KIF9: variants seen among roughly 807,000 people sequenced by gnomAD.
The protein encoded by KIF9 is kinesin-like protein KIF9.
In KIF9, 68 loss-of-function variants were observed where a neutral mutation model predicts 94.8. The observed-to-expected ratio is 0.72, with a 90% CI of 0.59 to 0.88. KIF9 has a LOEUF of 0.88. Among genes scored for constraint, KIF9 ranks in the 40% least tolerant of loss-of-function variants. The pLI is 0.00. For synonymous variants in KIF9, 343 were observed against 362.1 expected, an observed-to-expected ratio of 0.95 and a Z score of 0.60; for missense variants, 882 against 982.5, an observed-to-expected ratio of 0.90 and a Z score of 1.37.
intron 10 of KIF9, among the ~76,000 whole-genome samples, chr3:47,248,442 A>ATGCTT (rs1195113646): frequency 6.6e-6 from 1 of 151,792 alleles, no homozygotes; most frequent in East Asian, 1.9e-4. Flanking sequence ...AGACTCCAGA[A>ATGCTT]TGCTTTCTTT....
rs376429514 is a variant in KIF9, at chr3:47,257,624, C to T, written c.982-64G>A. The T allele has an allele frequency of 1.3e-5, 19 of 1,446,922 alleles. 1 individual carries two copies. The African/African-American group carries it at 1.7e-4, about 13-fold the overall frequency. 89.6% of individuals were successfully genotyped at this position (1,446,922 alleles called of 1,614,324 possible). ...CTAAAGTGAGACCCCAAGAGACCGG[C>T]CTTCTCAGAGACCTTGCCTGCCCTT... On this transcript the variant is annotated intron_variant, in intron 9 of 20. Transcript: ENST00000684063.
chr3:47,264,350 C>A lies in KIF9; in HGVS notation c.917G>T (p.Gly306Val). 1.2e-6 allele frequency: 2 copies of A among 1,613,240 alleles called. No individual in the cohort carries two copies. The highest frequency in any genetic ancestry group is 3.3e-5 in the Admixed American group (2 of 60,006). Residue 306 changes from glycine to valine, a missense_variant and splice_region_variant, in exon 9 of 21, where the codon GGG (glycine) becomes GTG (valine). Coordinates refer to ENST00000684063, the MANE Select transcript of KIF9 (RefSeq NM_182902.4). Reference sequence around the variant, plus strand: ...CACGAGGACCATATTGCAGTTTCCCCCTGCGGAAAGCAAGACACAGAAGGG... The same window carrying A: ...CACGAGGACCATATTGCAGTTTCCCACTGCGGAAAGCAAGACACAGAAGGG... ...KLTHALKDSL[G>V]GNCNMVLVTN... is the part of the protein sequence containing the mutation.
intron 10 of KIF9, among the ~76,000 whole-genome samples, chr3:47,249,206 C>T (rs563713655): frequency 3.8e-4 from 57 of 149,038 alleles, no homozygotes; most frequent in African/African-American, 1.1e-3. Flanking sequence ...AGTACAGTGG[C>T]GCAATCTTGG....
At chr3:47,232,534 C>T (rs1698674791) in intron 20 of KIF9, among the ~76,000 whole-genome samples, 2 of 152,012 alleles carry the variant, frequency 1.3e-5, no homozygotes, top group African/African-American at 4.8e-5. Context: ...ATCCACTCAT[C>T]TCAGCCTCCC....
chr3:47,240,062 G>A (rs984063437), intron 17 of KIF9: 18 of 641,200 alleles, frequency 2.8e-5, no homozygotes, highest in Middle Eastern at 6.5e-4. Context: ...CTGGCTGAGG[G>A]GCTGGGAATC....
chr3:47,276,555 CAAAAAAAAA>C (rs752825599), intron 2 of KIF9, among the ~76,000 whole-genome samples: 3 of 58,700 alleles, frequency 5.1e-5, no homozygotes, highest in African/African-American at 1.3e-4. Flanking sequence ...GACTCTGTCT[CAAAAAAAAA>C]AAAAAAAAAA....
chr3:47,235,680 G>T, intron 19 of KIF9, 63 bp from the exon 20 acceptor site: 1 of 1,321,670 alleles, frequency 7.6e-7, no homozygotes, highest in Non-Finnish European at 1.1e-6. Context: ...AGCCTGTGGT[G>T]TGCATCAGGG....
intron 5 of KIF9, among the ~76,000 whole-genome samples, chr3:47,269,275 T>C (rs978241059): frequency 6.6e-6 from 1 of 152,188 alleles, no homozygotes; most frequent in Non-Finnish European, 1.5e-5. Flanking sequence ...TAACATACAC[T>C]TGACTGATTT....
At chr3:47,233,628 C>T (rs975151929) in intron 20 of KIF9, among the ~76,000 whole-genome samples, 8 of 148,548 alleles carry the variant, frequency 5.4e-5, no homozygotes, top group Non-Finnish European at 7.4e-5. Flanking sequence ...TCTGTGAGGT[C>T]GAGGCTGTAA....
intron 9 of KIF9, 185 bp downstream of exon 9, chr3:47,264,101 T>A (rs772092623): frequency 1.5e-5 from 9 of 594,396 alleles, no homozygotes; most frequent in Non-Finnish European, 2.8e-5. Context: ...CACAGCTTAG[T>A]GCTTGGTGTG....
intron 10 of KIF9, chr3:47,250,536 A>G: frequency 2.1e-6 from 1 of 468,622 alleles, no homozygotes; most frequent in Non-Finnish European, 4.4e-6. Context: ...CAGACGGGTA[A>G]TGTGCCAATG....
At chr3:47,251,360 G>A (rs544369105) in intron 10 of KIF9, among the ~76,000 whole-genome samples, 2 of 152,332 alleles carry the variant, frequency 1.3e-5, no homozygotes, top group East Asian at 3.9e-4. Context: ...GAGGTCAGGA[G>A]TTCAAGACCA....
At chr3:47,278,426 G>T (rs983822146) in intron 1 of KIF9, among the ~76,000 whole-genome samples, 13 of 151,910 alleles carry the variant, frequency 8.6e-5, no homozygotes, top group African/African-American at 3.1e-4. Flanking sequence ...TGGAGACAAG[G>T]GTTTCTTTAT....
intron 5 of KIF9, among the ~76,000 whole-genome samples, chr3:47,269,803 G>A (rs1701525160): frequency 8.9e-6 from 1 of 111,842 alleles, no homozygotes; most frequent in Admixed American, 1.0e-4. Context: ...TTGAGATGGA[G>A]TCTCCCTCTG....
At chr3:47,262,567 C>T (rs1406530890) in intron 9 of KIF9, among the ~76,000 whole-genome samples, 1 of 152,202 alleles carries the variant, frequency 6.6e-6, no homozygotes, top group African/African-American at 2.4e-5. Flanking sequence ...GCCATTACAC[C>T]TGGCCTCAAC....
At chr3:47,241,036 C>G in intron 16 of KIF9, 21 bp from the exon 17 acceptor site, 2 of 1,608,078 alleles carry the variant, frequency 1.2e-6, no homozygotes, top group Non-Finnish European at 1.7e-6. Flanking sequence ...AAAGGTGAGA[C>G]CAAAGAGGAT....
intron 10 of KIF9, among the ~76,000 whole-genome samples, chr3:47,254,124 T>C (rs1327839058): frequency 6.6e-6 from 1 of 152,226 alleles, no homozygotes; most frequent in African/African-American, 2.4e-5. Context: ...GATTGTGTTA[T>C]CTACCCAACT....
intron 20 of KIF9, among the ~76,000 whole-genome samples, chr3:47,234,040 G>A (rs1225169577): frequency 7.9e-5 from 12 of 152,026 alleles, no homozygotes; most frequent in East Asian, 7.8e-4. Context: ...GTGAGGACAC[G>A]CCATTGCACT....
At position 47,246,259 on chromosome 3, in the gene KIF9, G is replaced by A; in HGVS notation, c.1234-7C>T. On this transcript the variant is annotated splice_region_variant and splice_polypyrimidine_tract_variant and intron_variant, in intron 12 of 20. Coordinates refer to ENST00000684063, the MANE Select transcript of KIF9 (RefSeq NM_182902.4). ...TCTGTCTAAGGCTGATTATCTGGAGGGAAGACAGCAAGGCAGAGGTTAGAC... is the reference window on the plus strand; with the variant it reads ...TCTGTCTAAGGCTGATTATCTGGAGAGAAGACAGCAAGGCAGAGGTTAGAC... 1 of 1,610,356 alleles carries A rather than the reference G, an allele frequency of 6.2e-7. No individual in the cohort carries two copies. Among genetic ancestry groups the A allele is most frequent in the Non-Finnish European group, 8.5e-7 (1 of 1,178,062 alleles).
Sources: gnomAD v4.1 joint callset for allele counts (sites outside exome capture counted in the v4.1 genomes callset) on GRCh38, gnomAD v4.1.1 for gene constraint, MANE v1.5 for transcripts, NCBI Gene and HGNC (gene_info 2026-07-23, HGNC 2026-07-21) for gene names.